Variants in SLC25A26 observed in about 807,000 individuals in gnomAD.
SLC25A26 encodes the protein solute carrier family 25 member 26, also known as mitochondrial S-adenosylmethionine carrier protein.
Under a neutral mutation model 37.8 loss-of-function variants are expected in SLC25A26, and 36 were observed. That is an observed-to-expected ratio of 0.95 (90% CI 0.73 to 1.26). The LOEUF (loss-of-function observed/expected upper bound fraction) is 1.26, where lower values mean the gene tolerates loss of function less well. Among genes scored for constraint, SLC25A26 ranks in the 50% most tolerant of loss-of-function variants. SLC25A26 has a pLI of 0.00. For missense variants in SLC25A26, 390 were observed against 331.1 expected (o/e 1.18, Z -1.38); for synonymous variants, 129 against 122.5 (o/e 1.05, Z -0.35).
At chr3:66,347,234 G>C (rs2076347480) in intron 6 of SLC25A26, among the ~76,000 whole-genome samples, 1 of 152,002 alleles carries the variant, frequency 6.6e-6, no homozygotes, top group South Asian at 2.1e-4. Context: ...TCTGACAAAG[G>C]TCTAATATCC....
At chr3:66,309,569 C>T (rs1352067675) in intron 5 of SLC25A26, among the ~76,000 whole-genome samples, 1 of 151,964 alleles carries the variant, frequency 6.6e-6, no homozygotes, top group Non-Finnish European at 1.5e-5. Context: ...TTTGCTCTTA[C>T]TTCTCTAGTT....
chr3:66,165,060 A>T (rs2070407520), intron 1 of SLC25A26, among the ~76,000 whole-genome samples: 1 of 152,232 alleles, frequency 6.6e-6, no homozygotes, highest in South Asian at 2.1e-4. Flanking sequence ...CTGTATCCTG[A>T]AAAACATTGC....
intron 1 of SLC25A26, among the ~76,000 whole-genome samples, chr3:66,154,543 T>TC (rs1362930238): frequency 6.0e-5 from 3 of 50,398 alleles, no homozygotes; most frequent in African/African-American, 2.8e-4. Context: ...TTTTTTTCTT[T>TC]TTTTTTTTTT....
chr3:66,201,518 T>C (rs1576634557), intron 1 of SLC25A26, among the ~76,000 whole-genome samples: 1 of 152,070 alleles, frequency 6.6e-6, no homozygotes, highest in East Asian at 1.9e-4. Context: ...TTTTTTTAAA[T>C]AGAGATGGGG....
At chr3:66,248,892 G>C (rs1407481169) in intron 3 of SLC25A26, among the ~76,000 whole-genome samples, 5 of 152,168 alleles carry the variant, frequency 3.3e-5, no homozygotes, top group African/African-American at 4.8e-5. Context: ...TGACACTAGG[G>C]TTCCTGTATT....
chr3:66,327,593 C>T (rs987482570), intron 5 of SLC25A26, among the ~76,000 whole-genome samples: 1 of 151,892 alleles, frequency 6.6e-6, no homozygotes, highest in Non-Finnish European at 1.5e-5. Context: ...TGTTAGTGTT[C>T]TTCACTGAAA....
At chr3:66,210,193 T>G (rs2071265975) in intron 1 of SLC25A26, among the ~76,000 whole-genome samples, 3 of 151,532 alleles carry the variant, frequency 2.0e-5, no homozygotes. Context: ...GGTGGCAAAC[T>G]TGATAGACAT....
intron 5 of SLC25A26, among the ~76,000 whole-genome samples, chr3:66,325,246 T>A (rs907035119): frequency 6.6e-6 from 1 of 152,144 alleles, no homozygotes; most frequent in African/African-American, 2.4e-5. Context: ...AAATACAAAT[T>A]AAAGAAAGGT....
At chr3:66,235,785 T>A (rs1265375139) in intron 1 of SLC25A26, among the ~76,000 whole-genome samples, 1 of 152,246 alleles carries the variant, frequency 6.6e-6, no homozygotes, top group Non-Finnish European at 1.5e-5. Context: ...CTTATATATG[T>A]TTAAAGTAAC....
intron 5 of SLC25A26, among the ~76,000 whole-genome samples, chr3:66,344,150 G>A (rs1367946975): frequency 6.6e-6 from 1 of 152,100 alleles, no homozygotes; most frequent in Non-Finnish European, 1.5e-5. Flanking sequence ...ATCATTTGCT[G>A]TAGCTGAGTA....
At chr3:66,182,574 G>T (rs144105967) in intron 1 of SLC25A26, among the ~76,000 whole-genome samples, 19,101 of 152,040 alleles carry the variant, frequency 0.13, 1,367 homozygotes, top group African/African-American at 0.19. Flanking sequence ...TGCTTGAAAG[G>T]TTCCCATAGA....
chr3:66,277,054 T>C (rs754802086), intron 5 of SLC25A26, among the ~76,000 whole-genome samples: 4 of 152,140 alleles, frequency 2.6e-5, no homozygotes, highest in Non-Finnish European at 5.9e-5. Context: ...GTGTTATCTT[T>C]TGATACATAT....
chr3:66,328,279 T>C (rs962361201), intron 5 of SLC25A26, among the ~76,000 whole-genome samples: 45 of 152,260 alleles, frequency 3.0e-4, no homozygotes, highest in African/African-American at 1.1e-3. Context: ...ATACAGAAGG[T>C]GTTTCTTTAT....
At chr3:66,304,421 C>G (rs2075159857) in intron 5 of SLC25A26, 2 of 456,102 alleles carry the variant, frequency 4.4e-6, no homozygotes, top group African/African-American at 2.0e-5. Flanking sequence ...GTTCACATGT[C>G]TGTTGTCATA....
chr3:66,299,634 A>T (rs2075013436), intron 5 of SLC25A26, among the ~76,000 whole-genome samples: 2 of 152,186 alleles, frequency 1.3e-5, no homozygotes, highest in Admixed American at 1.3e-4. Flanking sequence ...GCATGAAAAT[A>T]TAATGTGATC....
intron 5 of SLC25A26, among the ~76,000 whole-genome samples, chr3:66,308,530 A>G (rs1340024778): frequency 6.6e-6 from 1 of 152,238 alleles, no homozygotes; most frequent in Non-Finnish European, 1.5e-5. Flanking sequence ...CATAACTTCC[A>G]GTACTATGTT....
chr3:66,177,071 T>A (rs955770414), intron 1 of SLC25A26, among the ~76,000 whole-genome samples: 1 of 151,858 alleles, frequency 6.6e-6, no homozygotes, highest in Non-Finnish European at 1.5e-5. Context: ...ATGGCTGGAG[T>A]CTTCCAGAAA....
intron 1 of SLC25A26, among the ~76,000 whole-genome samples, chr3:66,184,320 G>A (rs2070773138): frequency 6.6e-6 from 1 of 151,494 alleles, no homozygotes. Context: ...GACCCTGACT[G>A]TAGCCCTTAC....
At chr3:66,316,762 G>T (rs1453906074) in intron 5 of SLC25A26, among the ~76,000 whole-genome samples, 1 of 152,084 alleles carries the variant, frequency 6.6e-6, no homozygotes, top group Non-Finnish European at 1.5e-5. Context: ...CCCATCAGCT[G>T]TAGGTTTGGT....
Sources: allele counts gnomAD v4.1 joint callset (sites outside exome capture counted in the v4.1 genomes callset), GRCh38; gene constraint gnomAD v4.1.1; transcripts MANE v1.5; gene names NCBI Gene and HGNC (gene_info 2026-07-23, HGNC 2026-07-21).